MCM3AP: variants seen among roughly 807,000 people sequenced by gnomAD.
MCM3AP encodes germinal-center associated nuclear protein.
Under a neutral mutation model 184.1 loss-of-function variants are expected in MCM3AP, and 126 were observed. That is an observed-to-expected ratio of 0.68 (90% CI 0.59 to 0.79). MCM3AP has a LOEUF of 0.79. Among genes scored for constraint, MCM3AP ranks in the 30% least tolerant of loss-of-function variants. The pLI is 0.00. For missense variants in MCM3AP, 2,496 were observed against 2,479.2 expected (o/e 1.01, Z -0.14); for synonymous variants, 1,002 against 979.3 (o/e 1.02, Z -0.43).
chr21:46,273,306 A>G (rs1437107797), intron 7 of MCM3AP, 82 bp downstream of exon 7: 1 of 1,308,674 alleles, frequency 7.6e-7, no homozygotes, highest in Non-Finnish European at 1.1e-6. Flanking sequence ...CAGATAAAAT[A>G]TATAACAGAG....
intron 5 of MCM3AP, among the ~76,000 whole-genome samples, chr21:46,276,021 A>T (rs1233520072): frequency 1.3e-5 from 2 of 152,128 alleles, no homozygotes; most frequent in Admixed American, 6.6e-5. Context: ...GGAGGCCAAG[A>T]CTGGCAGATC....
chr21:46,270,204 G>A, intron 9 of MCM3AP, 197 bp downstream of exon 9: 1 of 474,506 alleles, frequency 2.1e-6, no homozygotes, highest in Non-Finnish European at 3.7e-6. Flanking sequence ...CCATTGCACA[G>A]CCTTTCCGGA....
chr21:46,251,881 C>CATTTTT, intron 19 of MCM3AP, 199 bp from the exon 20 acceptor site: 1 of 124,788 alleles, frequency 8.0e-6, no homozygotes. Flanking sequence ...TGTACTCGTT[C>CATTTTT]TTTTTTTTTT....
Position 46,285,355 on chromosome 21 carries a change from C to A in MCM3AP, c.-69G>T. The A allele has an allele frequency of 1.9e-6, 2 of 1,029,990 alleles. No homozygotes were observed. The highest frequency in any genetic ancestry group is 2.0e-5 in the Admixed American group (1 of 51,238). The allele number at this position is 1,029,990 out of a possible 1,614,324, so 63.8% of individuals were successfully genotyped here. ...AAAATTAATTGGCTTCCTGAAACAG[C>A]CTGTAGCACTAGGGAGTTCCCCTTC... On this transcript the variant is annotated 5_prime_UTR_variant, in exon 1 of 28. Transcript: ENST00000291688.
At chr21:46,278,013 T>C (rs893338997) in intron 4 of MCM3AP, among the ~76,000 whole-genome samples, 6 of 152,168 alleles carry the variant, frequency 3.9e-5, no homozygotes, top group African/African-American at 1.4e-4. Context: ...TAGCCGGGCA[T>C]GGTGGCATGT....
rs1384567944 is a variant in MCM3AP at position 46,284,681 on chromosome 21, A to C, written c.606T>G (p.Ala202=). Residue 202 remains alanine, a synonymous_variant, in exon 1 of 28, where the codon GCT becomes GCG. Transcript: ENST00000291688. The part of the protein sequence containing the change: ...FSFPQVTSSS[A]TTSNFTFSKP... ...TTGAAAAGGTAAAATTTGAAGTGGT[A>C]GCTGAACTACTTGTTACTTGAGGAA... 3.1e-6 allele frequency: 5 copies of C among 1,613,952 alleles called. No homozygotes were observed. The highest frequency in any genetic ancestry group is 1.7e-6 in the Non-Finnish European group (2 of 1,179,898).
At chr21:46,254,941 AT>A in intron 17 of MCM3AP, 97 bp from the exon 18 acceptor site, 1 of 839,274 alleles carries the variant, frequency 1.2e-6, no homozygotes, top group Non-Finnish European at 2.0e-6. Flanking sequence ...TGAAAAACAC[AT>A]TTTCTGCCAA....
At chr21:46,240,239 A>T (rs902414072) in intron 26 of MCM3AP, among the ~76,000 whole-genome samples, 5 of 152,212 alleles carry the variant, frequency 3.3e-5, no homozygotes, top group Admixed American at 3.3e-4. Context: ...AAGAGGCGTC[A>T]GGAAGGGGAT....
chr21:46,284,593 C>G lies in MCM3AP; in HGVS notation c.694G>C (p.Glu232Gln), dbSNP rs764884068. 2.5e-6 allele frequency: 4 copies of G among 1,614,214 alleles called. No homozygotes were observed. Among genetic ancestry groups the G allele is most frequent in the Non-Finnish European group, 2.5e-6 (3 of 1,180,032 alleles). ...FTPALSNQNV[E>Q]EEKRGPKSIF... ...GACTTAGGTCCTCTCTTCTCTTCCT[C>G]TACATTTTGGTTTGACAAAGCAGGG... Residue 232 changes from glutamate to glutamine, a missense_variant, in exon 1 of 28, where the codon GAG (glutamate) becomes CAG (glutamine). Physicochemically the swap from Glu to Gln is conservative, Grantham distance 29 (BLOSUM62 2). Around this residue, in one of 5 missense-constraint regions of MCM3AP, gnomAD observed 800 missense variants for 717.1 expected, o/e 1.12. Transcript: ENST00000291688.
In MCM3AP at chr21:46,235,180, A is replaced by G; in HGVS notation, c.*88T>C. On this transcript the variant is annotated 3_prime_UTR_variant, in exon 28 of 28. Coordinates refer to ENST00000291688, the MANE Select transcript of MCM3AP (RefSeq NM_003906.5). The stretch of plus-strand genomic sequence containing the variant: ...CATGATTAAATTAATCACATTTCCA[A>G]CAGTGCATCAAGCATCTGAGAATAA... The G allele has an allele frequency of 1.5e-6, 2 of 1,327,346 alleles. No homozygotes were observed. The highest frequency in any genetic ancestry group is 2.3e-5 in the East Asian group (1 of 43,044). 82.2% of individuals were successfully genotyped at this position (1,327,346 alleles called of 1,614,324 possible). A position where few individuals can be genotyped will look rare whatever the true frequency, so the allele number is the denominator to read the frequency against.
intron 14 of MCM3AP, 77 bp downstream of exon 14, chr21:46,261,203 G>A (rs915926953): frequency 2.0e-5 from 31 of 1,541,404 alleles, no homozygotes; most frequent in Non-Finnish European, 2.4e-5. Flanking sequence ...AATAGCAGGA[G>A]CATCGTGGCT....
chr21:46,270,697 G>T, intron 8 of MCM3AP, 134 bp from the exon 9 acceptor site: 1 of 726,414 alleles, frequency 1.4e-6, no homozygotes. Flanking sequence ...CCAAAACGTG[G>T]GGAGGCCAAG....
In MCM3AP at chr21:46,284,242, T is replaced by C; in HGVS notation, c.1045A>G (p.Asn349Asp). 6.2e-7 allele frequency: 1 copy of C among 1,614,184 alleles called. No homozygotes were observed. Residue 349 changes from asparagine (N) to aspartate (D), a missense_variant, in exon 1 of 28, where the codon AAT becomes GAT. Coordinates refer to ENST00000291688, the MANE Select transcript of MCM3AP (RefSeq NM_003906.5). ...GRTIQDVFKS[N>D]KEVGRLGNKE... ...TTGCCCAGACGACCTACTTCCTTAT[T>C]GCTTTTGAAAACATCCTGTATCGTC... is the stretch of plus-strand genomic sequence containing the variant.
In MCM3AP at chr21:46,260,805, G is replaced by C. The variant is rs766584244; in HGVS notation, c.3569C>G (p.Ser1190Cys). The C allele has an allele frequency of 6.2e-7, 1 of 1,613,448 alleles. No individual in the cohort carries two copies. The highest frequency in any genetic ancestry group is 2.2e-5 in the East Asian group (1 of 44,882). ...VMMEFVRETC[S>C]QELKNAVETD... ...GCGTTTCACTTACTTCAACTCCTGG[G>C]AGCAGGTTTCCCTCACAAACTCCAT... is the stretch of plus-strand genomic sequence containing the variant. The change falls in exon 15 of 28, where the codon TCC (serine) becomes TGC (cysteine). Residue 1190 changes from serine to cysteine, a missense_variant. Coordinates refer to ENST00000291688, the MANE Select transcript of MCM3AP (RefSeq NM_003906.5).
At chr21:46,238,381 A>C (rs949646615) in intron 26 of MCM3AP, among the ~76,000 whole-genome samples, 1 of 120,026 alleles carries the variant, frequency 8.3e-6, no homozygotes, top group Non-Finnish European at 1.8e-5. Flanking sequence ...CATACTCTAG[A>C]GCTGTCTACT....
intron 16 of MCM3AP, among the ~76,000 whole-genome samples, chr21:46,257,784 G>A (rs908996976): frequency 8.5e-5 from 13 of 152,074 alleles, no homozygotes; most frequent in Non-Finnish European, 1.8e-4. Flanking sequence ...AATTAGCCGA[G>A]CATGGTGGCG....
chr21:46,239,305 G>A (rs1340307776), intron 26 of MCM3AP, among the ~76,000 whole-genome samples: 1 of 152,216 alleles, frequency 6.6e-6, no homozygotes, highest in Non-Finnish European at 1.5e-5. Flanking sequence ...TAACTCACTT[G>A]AAAGGCACCC....
rs143129429 is a variant in MCM3AP, at chr21:46,272,827, A to G, written c.2199T>C (p.Asp733=). Residue 733 remains aspartate, a splice_region_variant and synonymous_variant, in exon 8 of 28, where the codon GAT becomes GAC. Transcript: ENST00000291688. The stretch of plus-strand genomic sequence containing the variant: ...GGTCACAGAGGTGCTGCTGCGTGAT[A>G]TCCTGGCCACAGGCGAGGGGGAGGA... ...VWNRTRGIRK[D]ITQQHLCDPL... 1.1e-4 allele frequency: 179 copies of G among 1,581,622 alleles called. No homozygotes were observed. The Middle Eastern group carries it at 5.5e-3, about 49-fold the overall frequency.
At chr21:46,254,579 G>A (rs778096751) in intron 18 of MCM3AP, 53 bp from the exon 19 acceptor site, 2 of 1,604,112 alleles carry the variant, frequency 1.2e-6, no homozygotes, top group Non-Finnish European at 1.7e-6. Context: ...CCTTGCAGGA[G>A]CAGCACACAC....
Sources: gnomAD v4.1 joint callset for allele counts (sites outside exome capture counted in the v4.1 genomes callset) on GRCh38, gnomAD v4.1.1 for gene constraint, gnomAD v4.1.1 regional missense constraint, MANE v1.5 for transcripts, NCBI Gene and HGNC (gene_info 2026-07-23, HGNC 2026-07-21) for gene names.